Variants in LCN8 observed in about 807,000 individuals in gnomAD.
LCN8 encodes the protein lipocalin 8.
A neutral mutation model predicts 22.8 loss-of-function variants in LCN8; 16 were observed. The ratio of observed to expected loss-of-function variants is 0.70; its 90% CI spans 0.47 to 1.06. LCN8 has a LOEUF of 1.06. Among genes scored for constraint, LCN8 ranks in the 50% least tolerant of loss-of-function variants. The probability of loss-of-function intolerance (pLI) is 0.00; values close to 1 mark genes in which losing one functional copy is unlikely to be tolerated. For missense variants in LCN8, 189 were observed against 203.3 expected (o/e 0.93, Z 0.43); for synonymous variants, 92 against 83.4 (o/e 1.10, Z -0.56).
Position 136,755,454 on chromosome 9 carries a change from G to A in LCN8, c.289C>T (p.Leu97=). The change falls in exon 4 of 7, where the codon CTG becomes TTG. Residue 97 remains leucine, a synonymous_variant. Transcript: ENST00000371688. ...YEGYAILRVS[L]MWRGRNFRVL... ...CGAAAGTTCCTGCCCCGCCACATCAGGGACACCCGCAGGATGGCGTAGCCC... is the reference window on the plus strand; with the variant it reads ...CGAAAGTTCCTGCCCCGCCACATCAAGGACACCCGCAGGATGGCGTAGCCC... The A allele has an allele frequency of 2.5e-6, 4 of 1,613,352 alleles. No individual in the cohort carries two copies. Among genetic ancestry groups the A allele is most frequent in the Non-Finnish European group, 3.4e-6 (4 of 1,180,022 alleles).
At chr9:136,758,421 A>C, upstream of LCN8, 1 of 995,552 alleles carries the variant, frequency 1.0e-6, no homozygotes. Flanking sequence ...GTGCCACCCC[A>C]CGCCTGGCCC....
chr9:136,755,654 T>C lies in LCN8; in HGVS notation c.227-138A>G, dbSNP rs1847167443. The C allele has an allele frequency of 2.3e-5, 32 of 1,378,602 alleles. No homozygotes were observed. The South Asian group carries it at 4.0e-4, about 17-fold the overall frequency. The allele number at this position is 1,378,602 out of a possible 1,614,324, so 85.4% of individuals were successfully genotyped here. A position where few individuals can be genotyped will look rare whatever the true frequency, so the allele number is the denominator to read the frequency against. ...TGGTTGGAGACACTACAGAAGCTTT[T>C]GAAGGATGATCCAGTGTGTTGGTGG... On this transcript the variant is annotated intron_variant, in intron 3 of 6. Coordinates refer to ENST00000371688, the MANE Select transcript of LCN8 (RefSeq NM_178469.4).
At chr9:136,755,703 G>C (rs1330626733) in intron 3 of LCN8, 187 bp from the exon 4 acceptor site, 9 of 1,531,578 alleles carry the variant, frequency 5.9e-6, no homozygotes, top group Non-Finnish European at 7.9e-6. Flanking sequence ...TCTGGGGCAT[G>C]AAATGTGCAG....
At chr9:136,756,906 G>A (rs1344458740) in intron 2 of LCN8, 132 bp downstream of exon 2, 11 of 1,079,756 alleles carry the variant, frequency 1.0e-5, no homozygotes, top group Non-Finnish European at 1.5e-5. Flanking sequence ...CAGGCAGACG[G>A]GCACCGGGAG....
chr9:136,757,325 T>G, intron 1 of LCN8, 157 bp from the exon 2 acceptor site: 1 of 1,456,052 alleles, frequency 6.9e-7, no homozygotes, highest in Non-Finnish European at 9.0e-7. Flanking sequence ...GTGAGCCCAC[T>G]GTCCCCAGGC....
At position 136,757,061 on chromosome 9, in the gene LCN8, C is replaced by A. The variant is rs1054736759; in HGVS notation, c.132G>T (p.Leu44=). 6.2e-7 allele frequency: 1 copy of A among 1,613,454 alleles called. No individual in the cohort carries two copies. The highest frequency in any genetic ancestry group is 8.5e-7 in the Non-Finnish European group (1 of 1,179,774). The change falls in exon 2 of 7, where the codon CTG becomes CTT. Residue 44 remains leucine, a synonymous_variant. Coordinates refer to ENST00000371688, the MANE Select transcript of LCN8 (RefSeq NM_178469.4). ...GLFLTLSGSN[L]TVKVAYNSSG... is the part of the protein sequence containing the mutation. Reference sequence around the variant, plus strand: ...ACCTGTTATATGCAACCTTCACGGTCAGGTTACTCCCGCTCAAGGTGAGGA... The same window carrying A: ...ACCTGTTATATGCAACCTTCACGGTAAGGTTACTCCCGCTCAAGGTGAGGA...
chr9:136,758,038 TGGGCCGATTCTATAC>T lies in LCN8; in HGVS notation c.-123_-109del. ...CTCCGGGTTCCCCTGCTGCACAGCCTGGGCCGATTCTATACGGACAGTGCAGGCTTGTGCGCCCAC... is the reference window on the plus strand; with the variant it reads ...CTCCGGGTTCCCCTGCTGCACAGCCTGGACAGTGCAGGCTTGTGCGCCCAC... On this transcript the variant is annotated 5_prime_UTR_variant, in exon 1 of 7. The change abolishes the stop of an existing upstream ORF in the 5' untranslated region. Transcript: ENST00000371688. 19 of 1,552,896 alleles carry T rather than the reference TGGGCCGATTCTATAC, an allele frequency of 1.2e-5. No individual in the cohort carries two copies. The highest frequency in any genetic ancestry group is 1.7e-5 in the Non-Finnish European group (19 of 1,151,412).
intron 6 of LCN8, 193 bp from the exon 7 acceptor site, chr9:136,754,702 T>G (rs1847141316): frequency 7.1e-7 from 1 of 1,410,088 alleles, no homozygotes; most frequent in African/African-American, 1.5e-5. Context: ...CAAAGCGAGG[T>G]GAGGGAGACA....
intron 3 of LCN8, 111 bp from the exon 4 acceptor site, chr9:136,755,627 A>T: frequency 1.3e-6 from 2 of 1,529,158 alleles, no homozygotes; most frequent in Non-Finnish European, 1.8e-6. Flanking sequence ...CCAGCACTTG[A>T]GTGGTTGGAG....
intron 2 of LCN8, 104 bp from the exon 3 acceptor site, chr9:136,756,696 A>C: frequency 6.8e-7 from 1 of 1,477,772 alleles, no homozygotes; most frequent in East Asian, 2.4e-5. Context: ...CACAGGCAGC[A>C]CTGTGGAGTA....
rs554368485 is a variant in LCN8 at position 136,754,460 on chromosome 9, G to A, written c.*38C>T. On this transcript the variant is annotated 3_prime_UTR_variant, in exon 7 of 7. Transcript: ENST00000371688. ...GTGCCCAGGAGGGGCAGGGGTGGGCGGGCGCTCCGAACCTTGTGGTCTGAG... is the reference window on the plus strand; with the variant it reads ...GTGCCCAGGAGGGGCAGGGGTGGGCAGGCGCTCCGAACCTTGTGGTCTGAG... 91 of 1,555,386 alleles carry A rather than the reference G, an allele frequency of 5.9e-5. No individual in the cohort carries two copies. The highest frequency in any genetic ancestry group is 9.8e-5 in the Admixed American group (5 of 51,092).
rs868455651 is a variant in LCN8 at position 136,758,165 on chromosome 9, C to A, written c.-235G>T. 6 of 1,429,698 alleles carry A rather than the reference C, an allele frequency of 4.2e-6. No homozygotes were observed. Among genetic ancestry groups the A allele is most frequent in the Non-Finnish European group, 5.5e-6 (6 of 1,091,926 alleles). The allele number at this position is 1,429,698 out of a possible 1,614,324, so 88.6% of individuals were successfully genotyped here. A position where few individuals can be genotyped will look rare whatever the true frequency, so the allele number is the denominator to read the frequency against. ...GCGCCATCGGCCCTGGTGACACCCA[C>A]GCCCACCGCAGGGGTTAGCCTGGCC... On this transcript the variant is annotated 5_prime_UTR_variant, in exon 1 of 7. Transcript: ENST00000371688.
At chr9:136,757,564 C>T (rs984927081) in intron 1 of LCN8, 12 of 1,378,566 alleles carry the variant, frequency 8.7e-6, no homozygotes, top group African/African-American at 1.5e-5. Context: ...ACAGGTGGCT[C>T]GGGTAGCGCA....
intron 6 of LCN8, chr9:136,754,873 C>T (rs989984076): frequency 1.5e-6 from 2 of 1,364,852 alleles, no homozygotes; most frequent in Non-Finnish European, 1.9e-6. Flanking sequence ...CCCAGCTCTG[C>T]ACCCCGTGAC....
intron 6 of LCN8, chr9:136,754,910 C>A (rs1847146894): frequency 2.2e-6 from 3 of 1,365,852 alleles, no homozygotes; most frequent in Non-Finnish European, 2.8e-6. Context: ...CCCTGCCTGG[C>A]AGCCTAGGGT....
chr9:136,756,742 C>T (rs919443805), intron 2 of LCN8, 150 bp from the exon 3 acceptor site: 22 of 1,209,772 alleles, frequency 1.8e-5, no homozygotes, highest in Non-Finnish European at 2.4e-5. Flanking sequence ...GGGGAATGTG[C>T]CAGGTGGGGC....
At chr9:136,758,248 G>C (rs1847256111), upstream of LCN8, 1 of 1,266,414 alleles carries the variant, frequency 7.9e-7, no homozygotes, top group Non-Finnish European at 1.0e-6. Flanking sequence ...GACGCTGCTG[G>C]GGCCGTCTCG....
At chr9:136,756,416 CAGGGAACAGCAT>C (rs1847201612) in intron 3 of LCN8, 94 bp downstream of exon 3, 1 of 1,608,438 alleles carries the variant, frequency 6.2e-7, no homozygotes, top group East Asian at 2.2e-5. Context: ...GAGAACAGTG[CAGGGAACAGCAT>C]GGGGAACAGT....
chr9:136,757,949 C>A lies in LCN8; in HGVS notation c.-19G>T, dbSNP rs757101839. On this transcript the variant is annotated 5_prime_UTR_variant, in exon 1 of 7. Transcript: ENST00000371688. ...CCTCCATGGCTGCTGCCACCTGCGC[C>A]CGGAGCACCACGAGGACACCCAGGA... is the stretch of plus-strand genomic sequence containing the variant. The A allele has an allele frequency of 6.2e-7, 1 of 1,613,056 alleles. No homozygotes were observed. The highest frequency in any genetic ancestry group is 8.5e-7 in the Non-Finnish European group (1 of 1,179,914).
Sources: allele counts gnomAD v4.1 joint callset, GRCh38; gene constraint gnomAD v4.1.1; transcripts MANE v1.5; gene names NCBI Gene and HGNC (gene_info 2026-07-23, HGNC 2026-07-21).